Variants in MYO5A observed in about 807,000 individuals in gnomAD.
MYO5A encodes the protein unconventional myosin-Va.
MYO5A carries 98 observed loss-of-function variants against 249.7 expected under a neutral mutation model. That is an observed-to-expected ratio of 0.39 (90% CI 0.33 to 0.46). MYO5A has a LOEUF of 0.46. Among genes scored for constraint, MYO5A ranks in the 20% least tolerant of loss-of-function variants. MYO5A has a pLI of 0.98. For missense variants in MYO5A, 1,696 were observed against 2,308.8 expected (o/e 0.73, Z 5.44); for synonymous variants, 778 against 810.6 (o/e 0.96, Z 0.68).
chr15:52,327,223 T>A (rs966882462), intron 36 of MYO5A, among the ~76,000 whole-genome samples: 2 of 152,254 alleles, frequency 1.3e-5, no homozygotes, highest in Non-Finnish European at 2.9e-5. Flanking sequence ...ATATATGAAC[T>A]CTACTAAATA....
chr15:52,378,515 C>CAAAAAAAAAAAAAAAAAAAA lies in MYO5A; in HGVS notation c.2208+1109_2208+1110insTTTTTTTTTTTTTTTTTTTT, dbSNP rs55803737. Among the ~76,000 whole-genome samples the CAAAAAAAAAAAAAAAAAAAA allele has an allele frequency of 2.1e-3, 22 of 10,484 alleles. 5 individuals carry two copies. The highest frequency in any genetic ancestry group is 7.4e-3 in the Admixed American group (2 of 270). 6.9% of individuals were successfully genotyped at this position (10,484 alleles called of 152,430 possible). A position where few individuals can be genotyped will look rare whatever the true frequency, so the allele number is the denominator to read the frequency against. On this transcript the variant is annotated intron_variant, in intron 18 of 41. Transcript: ENST00000399233. ...CCTGGGTGAAAGAGCAAGACTGTCTCAAAAAAAAAAAAAAAAGAAGGGAAT... is the reference window on the plus strand; with the variant it reads ...CCTGGGTGAAAGAGCAAGACTGTCTCAAAAAAAAAAAAAAAAAAAAAAAAAAAAAAAAAAAAGAAGGGAAT...
At chr15:52,360,367 C>G (rs1012020494) in intron 24 of MYO5A, among the ~76,000 whole-genome samples, 1 of 152,182 alleles carries the variant, frequency 6.6e-6, no homozygotes, top group African/African-American at 2.4e-5. Flanking sequence ...AAGCTTTGAG[C>G]GGTCAGTCAC....
chr15:52,461,641 T>C (rs1379539458), intron 1 of MYO5A, among the ~76,000 whole-genome samples: 1 of 152,086 alleles, frequency 6.6e-6, no homozygotes. Flanking sequence ...ATAGCTTAGG[T>C]AGACTTGTTC....
intron 32 of MYO5A, 28 bp from the exon 33 acceptor site, chr15:52,337,912 G>A: frequency 6.9e-7 from 1 of 1,449,452 alleles, no homozygotes; most frequent in Non-Finnish European, 9.4e-7. Context: ...ATGGATATTT[G>A]TTTTTGTCTG....
At chr15:52,323,189 A>G (rs2038415063) in intron 37 of MYO5A, among the ~76,000 whole-genome samples, 166 bp downstream of exon 37, 1 of 152,222 alleles carries the variant, frequency 6.6e-6, no homozygotes, top group Admixed American at 6.5e-5. Flanking sequence ...CATTCTCCAA[A>G]TCACTGCTTC....
intron 11 of MYO5A, 140 bp from the exon 12 acceptor site, chr15:52,392,210 G>C: frequency 1.2e-6 from 1 of 809,966 alleles, no homozygotes; most frequent in Non-Finnish European, 1.9e-6. Context: ...TTTACACACA[G>C]AGAAAGCAAA....
intron 24 of MYO5A, 57 bp downstream of exon 24, chr15:52,364,497 A>G: frequency 6.7e-7 from 1 of 1,502,786 alleles, no homozygotes; most frequent in Non-Finnish European, 9.1e-7. Context: ...TATTCTATTT[A>G]CTTTTGTATA....
chr15:52,453,845 C>A (rs1472898025), intron 1 of MYO5A, among the ~76,000 whole-genome samples: 15 of 151,060 alleles, frequency 9.9e-5, no homozygotes. Flanking sequence ...ATGGTAACTA[C>A]AAAGTAAAAA....
At chr15:52,363,053 T>C (rs932521103) in intron 24 of MYO5A, among the ~76,000 whole-genome samples, 1 of 152,232 alleles carries the variant, frequency 6.6e-6, no homozygotes, top group Non-Finnish European at 1.5e-5. Flanking sequence ...ATCCCACTTA[T>C]TAACATCCCA....
intron 2 of MYO5A, among the ~76,000 whole-genome samples, chr15:52,431,062 T>A (rs1445396070): frequency 6.7e-6 from 1 of 149,596 alleles, no homozygotes; most frequent in African/African-American, 2.5e-5. Context: ...TAAAATCCTG[T>A]CTCTACTAAA....
intron 31 of MYO5A, among the ~76,000 whole-genome samples, chr15:52,341,815 T>G (rs1381205941): frequency 6.6e-6 from 1 of 152,252 alleles, no homozygotes; most frequent in African/African-American, 2.4e-5. Flanking sequence ...TAAAATAGAA[T>G]TTTAATGAGA....
chr15:52,424,779 C>T (rs970998382), intron 4 of MYO5A, among the ~76,000 whole-genome samples: 1 of 152,158 alleles, frequency 6.6e-6, no homozygotes, highest in Non-Finnish European at 1.5e-5. Context: ...TTAAACTATT[C>T]TTCTACACAT....
chr15:52,479,108 G>C (rs1041770388), intron 1 of MYO5A, among the ~76,000 whole-genome samples: 1 of 151,800 alleles, frequency 6.6e-6, no homozygotes, highest in Non-Finnish European at 1.5e-5. Flanking sequence ...CAATTCTCCT[G>C]CCTCAGCCTC....
intron 1 of MYO5A, among the ~76,000 whole-genome samples, chr15:52,483,963 G>C (rs962262918): frequency 1.1e-4 from 17 of 152,206 alleles, no homozygotes; most frequent in Admixed American, 9.8e-4. Flanking sequence ...CCACCTCCCA[G>C]TCAGGAAGCA....
intron 36 of MYO5A, 159 bp from the exon 37 acceptor site, chr15:52,323,603 G>A: frequency 3.3e-6 from 2 of 606,872 alleles, no homozygotes; most frequent in Non-Finnish European, 5.9e-6. Flanking sequence ...GTCATTGCTA[G>A]CAGAATGTCA....
rs528951363 is a variant in MYO5A at position 52,410,062 on chromosome 15, A to G, written c.756+271T>C. Among the ~76,000 whole-genome samples, 45 of 152,320 alleles carry G rather than the reference A, an allele frequency of 3.0e-4. 1 individual carries two copies. The highest frequency in any genetic ancestry group is 9.9e-4 in the African/African-American group (41 of 41,566). ...ATATGAGAGACAAGACTAAACCAAT[A>G]GCACCTGTTCTCAACTAAGCTTTCC... On this transcript the variant is annotated intron_variant, in intron 6 of 41. Coordinates refer to ENST00000399233, the MANE Select transcript of MYO5A (RefSeq NM_001382347.1).
At position 52,332,721 on chromosome 15, in the gene MYO5A, T is replaced by A. The variant is rs148604773; in HGVS notation, c.4409-2222A>T. Among the ~76,000 whole-genome samples the A allele has an allele frequency of 4.4e-4, 67 of 152,318 alleles. No individual in the cohort carries two copies. In the East Asian group the frequency reaches 0.013, roughly 28 times the overall value. On this transcript the variant is annotated intron_variant, in intron 34 of 41. Coordinates refer to ENST00000399233, the MANE Select transcript of MYO5A (RefSeq NM_001382347.1). ...ACTCACACCTATAATCAGAGCACTTTGGGAGGCCAAGGCAGGCAGATCACC... is the reference window on the plus strand; with the variant it reads ...ACTCACACCTATAATCAGAGCACTTAGGGAGGCCAAGGCAGGCAGATCACC...
intron 1 of MYO5A, among the ~76,000 whole-genome samples, chr15:52,500,657 A>G (rs979325802): frequency 6.6e-6 from 1 of 151,650 alleles, no homozygotes; most frequent in Admixed American, 6.6e-5. Flanking sequence ...CTCTTTGCCC[A>G]TTTTTCAACA....
chr15:52,329,355 G>C (rs879024333), intron 35 of MYO5A, among the ~76,000 whole-genome samples: 1 of 152,174 alleles, frequency 6.6e-6, no homozygotes, highest in Admixed American at 6.5e-5. Context: ...CTGTCACCCT[G>C]GCACCTGGCG....
Sources: gnomAD v4.1 joint callset for allele counts (sites outside exome capture counted in the v4.1 genomes callset) on GRCh38, gnomAD v4.1.1 for gene constraint, MANE v1.5 for transcripts, NCBI Gene and HGNC (gene_info 2026-07-23, HGNC 2026-07-21) for gene names.